Variants in EIF4EBP2 observed in about 807,000 individuals in gnomAD.
EIF4EBP2 encodes eukaryotic translation initiation factor 4E-binding protein 2.
Under a neutral mutation model 10.3 loss-of-function variants are expected in EIF4EBP2, and 5 were observed. The observed-to-expected ratio is 0.48, with a 90% CI of 0.25 to 1.02. EIF4EBP2 has a LOEUF of 1.02. EIF4EBP2 is among the 50% of genes least tolerant of loss of function. The pLI, the probability that EIF4EBP2 is intolerant of heterozygous loss-of-function variation, is 0.15. For missense variants in EIF4EBP2, 188 were observed against 162.2 expected, an observed-to-expected ratio of 1.16 and a Z score of -0.86; for synonymous variants, 67 against 61.1, an observed-to-expected ratio of 1.10 and a Z score of -0.45.
At chr10:70,414,156 G>A (rs1436678031) in intron 1 of EIF4EBP2, among the ~76,000 whole-genome samples, 1 of 152,076 alleles carries the variant, frequency 6.6e-6, no homozygotes, top group Non-Finnish European at 1.5e-5. Flanking sequence ...TTCAATAAAG[G>A]AAATAAAGGG....
In EIF4EBP2 at chr10:70,422,513, GT is replaced by G. The variant is rs1845168679; in HGVS notation, c.*770del. The G allele has an allele frequency of 6.6e-6, 1 of 151,992 alleles. No individual in the cohort carries two copies. Among genetic ancestry groups the G allele is most frequent in the Non-Finnish European group, 1.5e-5 (1 of 68,000 alleles). The allele number at this position is 151,992 out of a possible 1,614,324, so 9.4% of individuals were successfully genotyped here. On this transcript the variant is annotated 3_prime_UTR_variant, in exon 3 of 3. Transcript: ENST00000373218. ...ATCAGAAGAGAGCCCTTGGTAACCA[GT>G]TTTGCTCTTCTTCTGCCACTCCTCC...
intron 1 of EIF4EBP2, among the ~76,000 whole-genome samples, chr10:70,411,320 C>T (rs557867575): frequency 4.6e-5 from 7 of 152,224 alleles, no homozygotes; most frequent in South Asian, 2.1e-4. Flanking sequence ...AATGGAACCA[C>T]GTAGTAATTG....
intron 1 of EIF4EBP2, 55 bp from the exon 2 acceptor site, chr10:70,419,859 T>C: frequency 8.0e-7 from 1 of 1,257,096 alleles, no homozygotes; most frequent in Non-Finnish European, 1.1e-6. Context: ...TGGGTGGTAT[T>C]ATATGTTGAT....
chr10:70,406,000 G>T (rs936279608), intron 1 of EIF4EBP2, among the ~76,000 whole-genome samples: 2 of 152,174 alleles, frequency 1.3e-5, no homozygotes, highest in East Asian at 3.9e-4. Flanking sequence ...GTTTGAGCAT[G>T]GTACAGGGTC....
intron 1 of EIF4EBP2, among the ~76,000 whole-genome samples, chr10:70,406,843 G>T (rs1452283937): frequency 6.6e-6 from 1 of 152,168 alleles, no homozygotes; most frequent in Non-Finnish European, 1.5e-5. Context: ...CTTCTTTACT[G>T]TTGAGCTTGT....
chr10:70,419,201 A>T (rs1218314150), intron 1 of EIF4EBP2, among the ~76,000 whole-genome samples: 2 of 152,212 alleles, frequency 1.3e-5, no homozygotes, highest in African/African-American at 4.8e-5. Flanking sequence ...CTTGATGATT[A>T]GTGATGTCGA....
At position 70,426,968 on chromosome 10, in the gene EIF4EBP2, C is replaced by T. The variant is rs983654821; in HGVS notation, c.*5221C>T. Reference sequence around the variant, plus strand: ...GAGGAACTGCTTCGAATCAAGGCAACTGGTGAAGGGCTTAGCATGTTGGCA... The same window carrying T: ...GAGGAACTGCTTCGAATCAAGGCAATTGGTGAAGGGCTTAGCATGTTGGCA... On this transcript the variant is annotated 3_prime_UTR_variant, in exon 3 of 3. Coordinates refer to ENST00000373218, the MANE Select transcript of EIF4EBP2 (RefSeq NM_004096.5). 7 of 152,298 alleles carry T rather than the reference C, an allele frequency of 4.6e-5. No individual in the cohort carries two copies. The highest frequency in any genetic ancestry group is 1.0e-4 in the Non-Finnish European group (7 of 68,050). 9.4% of individuals were successfully genotyped at this position (152,298 alleles called of 1,614,324 possible). A position where few individuals can be genotyped will look rare whatever the true frequency, so the allele number is the denominator to read the frequency against.
rs1469822664 is a variant in EIF4EBP2 at position 70,424,737 on chromosome 10, A to C, written c.*2990A>C. 2 of 152,224 alleles carry C rather than the reference A, an allele frequency of 1.3e-5. No homozygotes were observed. Among genetic ancestry groups the C allele is most frequent in the African/African-American group, 4.8e-5 (2 of 41,458 alleles). The allele number at this position is 152,224 out of a possible 1,614,324, so 9.4% of individuals were successfully genotyped here. On this transcript the variant is annotated 3_prime_UTR_variant, in exon 3 of 3. Transcript: ENST00000373218. ...CTTAATGAGAAGTGACTTCCCTTCA[A>C]ATTCCAACAGCAGACATGCATTGTC...
chr10:70,404,574 C>G, intron 1 of EIF4EBP2, 28 bp downstream of exon 1: 1 of 1,511,912 alleles, frequency 6.6e-7, no homozygotes, highest in Non-Finnish European at 8.8e-7. Context: ...GTCCGCCGCG[C>G]CCGGTGTCCC....
At position 70,404,256 on chromosome 10, in the gene EIF4EBP2, G is replaced by T. The variant is rs1844944231; in HGVS notation, c.-146G>T. On this transcript the variant is annotated 5_prime_UTR_variant, in exon 1 of 3. Coordinates refer to ENST00000373218, the MANE Select transcript of EIF4EBP2 (RefSeq NM_004096.5). The stretch of plus-strand genomic sequence containing the variant: ...GGCGGCGGCTGAGAGGGCGGCGGCG[G>T]GAGCGGAGCGGGACGAGGGAACGGG... The T allele has an allele frequency of 2.9e-6, 3 of 1,051,756 alleles. No homozygotes were observed. The highest frequency in any genetic ancestry group is 3.8e-6 in the Non-Finnish European group (3 of 791,772). The allele number at this position is 1,051,756 out of a possible 1,614,324, so 65.2% of individuals were successfully genotyped here. A position where few individuals can be genotyped will look rare whatever the true frequency, so the allele number is the denominator to read the frequency against.
intron 1 of EIF4EBP2, among the ~76,000 whole-genome samples, chr10:70,410,473 T>TG (rs1399598932): frequency 6.6e-6 from 1 of 152,258 alleles, no homozygotes; most frequent in Non-Finnish European, 1.5e-5. Context: ...CCCTGAAGAA[T>TG]ACAGAGTTAG....
intron 1 of EIF4EBP2, among the ~76,000 whole-genome samples, chr10:70,413,898 T>C (rs1436483890): frequency 2.0e-5 from 3 of 152,212 alleles, no homozygotes; most frequent in Non-Finnish European, 4.4e-5. Context: ...ATGGATTTCT[T>C]GTGTAGTCTG....
chr10:70,417,094 C>T (rs555692424), intron 1 of EIF4EBP2, among the ~76,000 whole-genome samples: 5 of 152,194 alleles, frequency 3.3e-5, no homozygotes, highest in Admixed American at 6.5e-5. Flanking sequence ...TTGTTTTTAT[C>T]GACTTACCAG....
chr10:70,415,890 A>G (rs946735998), intron 1 of EIF4EBP2, among the ~76,000 whole-genome samples: 1 of 152,130 alleles, frequency 6.6e-6, no homozygotes, highest in South Asian at 2.1e-4. Flanking sequence ...AAAAAAACAT[A>G]CATTGGACAT....
At chr10:70,413,971 C>T (rs1181190441) in intron 1 of EIF4EBP2, among the ~76,000 whole-genome samples, 1 of 152,124 alleles carries the variant, frequency 6.6e-6, no homozygotes, top group African/African-American at 2.4e-5. Context: ...CATTGGTTGA[C>T]ATTAAATTGA....
intron 1 of EIF4EBP2, among the ~76,000 whole-genome samples, chr10:70,416,222 A>G (rs1231805289): frequency 6.6e-6 from 1 of 152,226 alleles, no homozygotes; most frequent in Non-Finnish European, 1.5e-5. Flanking sequence ...TGGCTACAAT[A>G]TATAAAAATT....
chr10:70,408,310 C>T (rs577376040), intron 1 of EIF4EBP2, among the ~76,000 whole-genome samples: 14 of 152,150 alleles, frequency 9.2e-5, no homozygotes, highest in South Asian at 6.2e-4. Flanking sequence ...ACCTCCCGGA[C>T]GGGGCGGCTT....
At chr10:70,419,464 AT>A (rs1236126504) in intron 1 of EIF4EBP2, among the ~76,000 whole-genome samples, 6 of 152,120 alleles carry the variant, frequency 3.9e-5, no homozygotes, top group Non-Finnish European at 8.8e-5. Flanking sequence ...ATACTTGTTT[AT>A]TCTTTCATTT....
chr10:70,421,630 G>T, intron 2 of EIF4EBP2, 86 bp from the exon 3 acceptor site: 1 of 1,200,178 alleles, frequency 8.3e-7, no homozygotes, highest in Non-Finnish European at 1.2e-6. Context: ...ATTACTTTTT[G>T]TCTCTCATTT....
Sources: gnomAD v4.1 joint callset for allele counts (sites outside exome capture counted in the v4.1 genomes callset) on GRCh38, gnomAD v4.1.1 for gene constraint, MANE v1.5 for transcripts, NCBI Gene and HGNC (gene_info 2026-07-23, HGNC 2026-07-21) for gene names.